Variants in AGAP1 observed in about 807,000 individuals in gnomAD.
The protein encoded by AGAP1 is arf-GAP with GTPase, ANK repeat and PH domain-containing protein 1.
In AGAP1, 29 loss-of-function variants were observed where a neutral mutation model predicts 105.3. The observed-to-expected ratio is 0.28, with a 90% CI of 0.21 to 0.38. The LOEUF (loss-of-function observed/expected upper bound fraction) is 0.38, where lower values mean the gene tolerates loss of function less well. Among genes scored for constraint, AGAP1 ranks in the 10% least tolerant of loss-of-function variants. The pLI, the probability that AGAP1 is intolerant of heterozygous loss-of-function variation, is 1.00. For synonymous variants in AGAP1, 509 were observed against 485.9 expected (o/e 1.05, Z -0.63); for missense variants, 998 against 1,165.1 (o/e 0.86, Z 2.09).
In AGAP1 at chr2:236,044,068, G is replaced by A. The variant is rs2057642271; in HGVS notation, c.1891+3227G>A. The stretch of plus-strand genomic sequence containing the variant: ...GAGCACTGTTTCCAGAGTGGACGCT[G>A]AGCCTCTGGAGCTTTGGGGGTGCCT... On this transcript the variant is annotated intron_variant, in intron 15 of 17. Coordinates refer to ENST00000304032, the MANE Select transcript of AGAP1 (RefSeq NM_001037131.3). The surrounding 1 kb of genome is among the most constrained non-coding windows in gnomAD (Gnocchi z 5.7). 1.3e-5 allele frequency among the ~76,000 whole-genome samples: 2 copies of A among 152,174 alleles called. 1 individual carries two copies. Among genetic ancestry groups the A allele is most frequent in the South Asian group, 4.2e-4 (2 of 4,818 alleles).
intron 8 of AGAP1, 48 bp from the exon 9 acceptor site, chr2:235,807,191 G>C (rs766606913): frequency 1.9e-6 from 3 of 1,573,622 alleles, no homozygotes; most frequent in Non-Finnish European, 2.6e-6. Flanking sequence ...AGCCCCGTCT[G>C]TGAACCACAG....
Position 235,797,778 on chromosome 2 carries a change from C to T in AGAP1, c.693C>T (p.Ala231=), listed in dbSNP as rs1957309504. 1.9e-6 allele frequency: 3 copies of T among 1,614,108 alleles called. No individual in the cohort carries two copies. Among genetic ancestry groups the T allele is most frequent in the Non-Finnish European group, 2.5e-6 (3 of 1,180,030 alleles). ...CACCAGTTGCCCAGAAGATTGTTGC[C>T]ACAAGGAAGAAGCAGCAGCTGTCCA... ...VFQDVAQKIV[A]TRKKQQLSIG... The change falls in exon 7 of 18, where the codon GCC becomes GCT. Residue 231 remains alanine, a synonymous_variant. Transcript: ENST00000304032.
intron 1 of AGAP1, among the ~76,000 whole-genome samples, chr2:235,613,720 A>G (rs1272186410): frequency 6.6e-6 from 1 of 152,258 alleles, no homozygotes; most frequent in East Asian, 1.9e-4. Context: ...TGATCTACTG[A>G]TAAATTAAAA....
chr2:235,861,560 C>A (rs1334129492), intron 9 of AGAP1, among the ~76,000 whole-genome samples: 1 of 152,238 alleles, frequency 6.6e-6, no homozygotes, highest in East Asian at 1.9e-4. Context: ...CCCACGTTAA[C>A]TGTCACCTCT....
intron 13 of AGAP1, among the ~76,000 whole-genome samples, chr2:236,019,616 G>T (rs1220017020): frequency 6.6e-6 from 1 of 152,228 alleles, no homozygotes; most frequent in Admixed American, 6.5e-5. Flanking sequence ...GGAATTCCAG[G>T]TGGAGGCAGC....
rs956138161 is a variant in AGAP1, at chr2:236,090,885, A to G, written c.2115-29307A>G. On this transcript the variant is annotated intron_variant, in intron 16 of 17. Transcript: ENST00000304032. The surrounding 1 kb of genome is among the most constrained non-coding windows in gnomAD (Gnocchi z 4.3). Reference sequence around the variant, plus strand: ...CTCCTGAGTAGCTGGGATTACAGGCATGCGCCACCATACCCGGCTAATTTT... The same window carrying G: ...CTCCTGAGTAGCTGGGATTACAGGCGTGCGCCACCATACCCGGCTAATTTT... Among the ~76,000 whole-genome samples, 1 of 152,164 alleles carries G rather than the reference A, an allele frequency of 6.6e-6. No individual in the cohort carries two copies. Among genetic ancestry groups the G allele is most frequent in the Non-Finnish European group, 1.5e-5 (1 of 68,024 alleles).
intron 13 of AGAP1, among the ~76,000 whole-genome samples, chr2:236,022,565 C>G (rs367712080): frequency 6.6e-6 from 1 of 152,270 alleles, no homozygotes; most frequent in South Asian, 2.1e-4. Context: ...CAGAGAGTCT[C>G]ACTCTGTTGC....
At position 235,888,828 on chromosome 2, in the gene AGAP1, G is replaced by C. The variant is rs2050391441; in HGVS notation, c.1155+5379G>C. Among the ~76,000 whole-genome samples the C allele has an allele frequency of 6.6e-6, 1 of 152,312 alleles. No homozygotes were observed. Among genetic ancestry groups the C allele is most frequent in the South Asian group, 2.1e-4 (1 of 4,832 alleles). Reference sequence around the variant, plus strand: ...CTCCTGCGTGCTCCCAGCAGTGCCAGCATCCTCATACCTTTGTTTGGGAAA... The same window carrying C: ...CTCCTGCGTGCTCCCAGCAGTGCCACCATCCTCATACCTTTGTTTGGGAAA... On this transcript the variant is annotated intron_variant, in intron 10 of 17. Transcript: ENST00000304032. This position sits in a 1 kb window ranked among gnomAD's most constrained non-coding sequence, Gnocchi z 4.8.
chr2:235,878,857 C>G (rs1257456017), intron 9 of AGAP1, among the ~76,000 whole-genome samples: 1 of 152,236 alleles, frequency 6.6e-6, no homozygotes, highest in Non-Finnish European at 1.5e-5. Context: ...AGTCTCACTT[C>G]TCTCCCTGCA....
At chr2:235,641,330 C>T (rs568773316) in intron 1 of AGAP1, among the ~76,000 whole-genome samples, 1 of 97,180 alleles carries the variant, frequency 1.0e-5, no homozygotes, top group Non-Finnish European at 2.2e-5. Flanking sequence ...TCTCCTCCCT[C>T]CCTCCCTCTC....
rs1274375046 is a variant in AGAP1, at chr2:235,586,612, A to G, written c.163+91763A>G. On this transcript the variant is annotated intron_variant, in intron 1 of 17. Transcript: ENST00000304032. This position sits in a 1 kb window ranked among gnomAD's most constrained non-coding sequence, Gnocchi z 4.2. Reference sequence around the variant, plus strand: ...TGCAGGCTGAGGTCTCTTGGTGATAATCCACACACTGTCCTGGGCCTTGGT... The same window carrying G: ...TGCAGGCTGAGGTCTCTTGGTGATAGTCCACACACTGTCCTGGGCCTTGGT... Among the ~76,000 whole-genome samples the G allele has an allele frequency of 2.6e-5, 4 of 152,172 alleles. No individual in the cohort carries two copies. The highest frequency in any genetic ancestry group is 4.4e-5 in the Non-Finnish European group (3 of 68,026).
At position 235,736,355 on chromosome 2, in the gene AGAP1, G is replaced by T. The variant is rs1324940165; in HGVS notation, c.311-4608G>T. Among the ~76,000 whole-genome samples the T allele has an allele frequency of 1.3e-5, 2 of 152,082 alleles. No homozygotes were observed. Among genetic ancestry groups the T allele is most frequent in the African/African-American group, 4.8e-5 (2 of 41,412 alleles). ...AAACCATTTTTGAAAATGAAGTTAT[G>T]CTGATGTCATTTAATCGTACGTCAT... On this transcript the variant is annotated intron_variant, in intron 3 of 17. Coordinates refer to ENST00000304032, the MANE Select transcript of AGAP1 (RefSeq NM_001037131.3). The surrounding 1 kb of genome is among the most constrained non-coding windows in gnomAD (Gnocchi z 5.5).
At chr2:236,098,396 C>A (rs945054187) in intron 16 of AGAP1, among the ~76,000 whole-genome samples, 3 of 151,972 alleles carry the variant, frequency 2.0e-5, no homozygotes, top group Non-Finnish European at 4.4e-5. Flanking sequence ...CATGATGAAA[C>A]TTCATCTTTG....
At chr2:236,011,798 A>G (rs34769167) in intron 13 of AGAP1, among the ~76,000 whole-genome samples, 98,278 of 151,922 alleles carry the variant, frequency 0.65, 33,000 homozygotes, top group African/African-American at 0.82. Context: ...GTCCCCGAGA[A>G]TCGCCTTTTA....
rs541578916 is a variant in AGAP1 at position 235,787,997 on chromosome 2, G to A, written c.674-9762G>A. Among the ~76,000 whole-genome samples, 4 of 152,322 alleles carry A rather than the reference G, an allele frequency of 2.6e-5. No individual in the cohort carries two copies. In the East Asian group the frequency reaches 7.7e-4, roughly 29 times the overall value. Reference sequence around the variant, plus strand: ...GACCATGAACATTCTGGGACCAAGAGTTTGACCAAGTATTATACATTCTGG... The same window carrying A: ...GACCATGAACATTCTGGGACCAAGAATTTGACCAAGTATTATACATTCTGG... On this transcript the variant is annotated intron_variant, in intron 6 of 17. Transcript: ENST00000304032. The surrounding 1 kb of genome is among the most constrained non-coding windows in gnomAD (Gnocchi z 4.4).
Position 235,604,572 on chromosome 2 carries a change from C to CTTTT in AGAP1, c.164-104582_164-104579dup, listed in dbSNP as rs1166523228. On this transcript the variant is annotated intron_variant, in intron 1 of 17. Coordinates refer to ENST00000304032, the MANE Select transcript of AGAP1 (RefSeq NM_001037131.3). The stretch of plus-strand genomic sequence containing the variant: ...CGTGTTTCTTTTTTATTTTTATTAT[C>CTTTT]TTTTTTTTTTTTTTTTTTTTTTTTT... Among the ~76,000 whole-genome samples the CTTTT allele has an allele frequency of 1.0e-3, 73 of 69,678 alleles. 12 individuals carry two copies. The highest frequency in any genetic ancestry group is 2.7e-3 in the South Asian group (4 of 1,478). The allele number at this position is 69,678 out of a possible 152,430, so 45.7% of individuals were successfully genotyped here. A position where few individuals can be genotyped will look rare whatever the true frequency, so the allele number is the denominator to read the frequency against.
Position 235,547,362 on chromosome 2 carries a change from T to C in AGAP1, c.163+52513T>C, listed in dbSNP as rs541882619. On this transcript the variant is annotated intron_variant, in intron 1 of 17. Coordinates refer to ENST00000304032, the MANE Select transcript of AGAP1 (RefSeq NM_001037131.3). ...AATATGCTGCTTACATTGACTTTTTTTTTTTTTTTTTTCTGAGATGGAGTC... is the reference window on the plus strand; with the variant it reads ...AATATGCTGCTTACATTGACTTTTTCTTTTTTTTTTTTCTGAGATGGAGTC... Among the ~76,000 whole-genome samples the C allele has an allele frequency of 2.7e-5, 4 of 150,774 alleles. No individual in the cohort carries two copies. The East Asian group carries it at 7.7e-4, about 29-fold the overall frequency.
intron 9 of AGAP1, among the ~76,000 whole-genome samples, chr2:235,815,418 CAG>C (rs1958397753): frequency 6.6e-6 from 1 of 152,194 alleles, no homozygotes; most frequent in Admixed American, 6.5e-5. Context: ...CCCATTGAAT[CAG>C]GGTCCCATCT....
In AGAP1 at chr2:235,801,226, C is replaced by T. The variant is rs1271963564; in HGVS notation, c.957+1704C>T. ...CTCCCATCCCGGCCTCCGCTGCTGA[C>T]GGATGTTTGACCTTAGGCAAATTAC... On this transcript the variant is annotated intron_variant, in intron 8 of 17. Coordinates refer to ENST00000304032, the MANE Select transcript of AGAP1 (RefSeq NM_001037131.3). The surrounding 1 kb of genome is among the most constrained non-coding windows in gnomAD (Gnocchi z 6.0). 3.9e-5 allele frequency among the ~76,000 whole-genome samples: 6 copies of T among 152,130 alleles called. No individual in the cohort carries two copies. Among genetic ancestry groups the T allele is most frequent in the East Asian group, 3.9e-4 (2 of 5,164 alleles).
Sources: allele counts gnomAD v4.1 joint callset (sites outside exome capture counted in the v4.1 genomes callset), GRCh38; gene constraint gnomAD v4.1.1; non-coding constraint Gnocchi (gnomAD v3.1); transcripts MANE v1.5; gene names NCBI Gene and HGNC (gene_info 2026-07-23, HGNC 2026-07-21).